Variants in ALMS1 observed in about 807,000 individuals in gnomAD.
ALMS1 encodes ALMS1 centrosome and basal body associated protein, also known as centrosome-associated protein ALMS1.
Under a neutral mutation model 352.2 loss-of-function variants are expected in ALMS1, and 271 were observed. The observed-to-expected ratio is 0.77, with a 90% CI of 0.70 to 0.85. The LOEUF (loss-of-function observed/expected upper bound fraction) is 0.85, where lower values mean the gene tolerates loss of function less well. Among genes scored for constraint, ALMS1 ranks in the 40% least tolerant of loss-of-function variants. ALMS1 has a pLI of 0.00. For synonymous variants in ALMS1, 1,865 were observed against 1,761.2 expected (o/e 1.06, Z -1.48); for missense variants, 5,445 against 4,870.7 (o/e 1.12, Z -3.51).
intron 11 of ALMS1, among the ~76,000 whole-genome samples, chr2:73,529,595 G>C (rs985613740): frequency 6.6e-6 from 1 of 152,144 alleles, no homozygotes; most frequent in African/African-American, 2.4e-5. Context: ...TGGGTGTTAT[G>C]ATCTGAGTTT....
intron 10 of ALMS1, among the ~76,000 whole-genome samples, chr2:73,508,045 A>G (rs1572982596): frequency 6.6e-6 from 1 of 152,228 alleles, no homozygotes; most frequent in Non-Finnish European, 1.5e-5. Flanking sequence ...GCCAGTAGTC[A>G]TTCAGGAGCA....
rs1671853206 is a variant in ALMS1 at position 73,448,508 on chromosome 2, A to G, written c.1981A>G (p.Ile661Val). Residue 661 changes from isoleucine (I) to valine (V), a missense_variant, in exon 8 of 23, where the codon ATA becomes GTA. Coordinates refer to ENST00000613296, the MANE Select transcript of ALMS1 (RefSeq NM_001378454.1). ...TGGCCCAGTGGAGCAGAAGACGGGA[A>G]TACCTACAGTATCCTCTACATCCCA... ...APGPVEQKTG[I>V]PTVSSTSHSH... The G allele has an allele frequency of 6.2e-7, 1 of 1,613,882 alleles. No individual in the cohort carries two copies. The highest frequency in any genetic ancestry group is 8.5e-7 in the Non-Finnish European group (1 of 1,179,888).
At chr2:73,520,426 A>T (rs1404677403) in intron 11 of ALMS1, among the ~76,000 whole-genome samples, 4 of 152,234 alleles carry the variant, frequency 2.6e-5, no homozygotes, top group African/African-American at 9.6e-5. Context: ...ATACTATAAC[A>T]AATAGATGCA....
chr2:73,396,739 G>A (rs1243258518), intron 1 of ALMS1, among the ~76,000 whole-genome samples: 4 of 151,122 alleles, frequency 2.6e-5, no homozygotes, highest in Non-Finnish European at 5.9e-5. Context: ...CCGCCTCCCA[G>A]GTTCATGCCA....
chr2:73,386,939 C>T (rs1189384355), intron 1 of ALMS1, among the ~76,000 whole-genome samples: 1 of 152,224 alleles, frequency 6.6e-6, no homozygotes, highest in African/African-American at 2.4e-5. Flanking sequence ...ACAGTAGCCA[C>T]TGGCCACGTG....
chr2:73,419,703 G>C (rs1671249169), intron 3 of ALMS1, among the ~76,000 whole-genome samples: 1 of 152,036 alleles, frequency 6.6e-6, no homozygotes. Context: ...TTACCTTTTT[G>C]ATTTTTAGAA....
At chr2:73,535,392 ATTTG>A (rs1005409703) in intron 12 of ALMS1, among the ~76,000 whole-genome samples, 1 of 152,202 alleles carries the variant, frequency 6.6e-6, no homozygotes, top group Non-Finnish European at 1.5e-5. Context: ...TGAAAAAAAA[ATTTG>A]TTCATAAATA....
Position 73,451,748 on chromosome 2 carries a change from G to A in ALMS1, c.5221G>A (p.Val1741Ile). Reference sequence around the variant, plus strand: ...TCAAGAAGCTCTGAAAGTTTCAGCTGTTCCTCAACCAGCTGACCAGAAGAC... The same window carrying A: ...TCAAGAAGCTCTGAAAGTTTCAGCTATTCCTCAACCAGCTGACCAGAAGAC... ...LTQEALKVSA[V>I]PQPADQKTGL... The change falls in exon 8 of 23, where the codon GTT (valine) becomes ATT (isoleucine). Residue 1741 changes from valine to isoleucine, a missense_variant. By Grantham distance (29) the Val-to-Ile change is conservative. Coordinates refer to ENST00000613296, the MANE Select transcript of ALMS1 (RefSeq NM_001378454.1). 6.2e-7 allele frequency: 1 copy of A among 1,614,104 alleles called. No homozygotes were observed. The highest frequency in any genetic ancestry group is 1.3e-5 in the African/African-American group (1 of 75,042).
In ALMS1 at chr2:73,451,637, A is replaced by G. The variant is rs1198972493; in HGVS notation, c.5110A>G (p.Thr1704Ala). The G allele has an allele frequency of 6.2e-7, 1 of 1,613,918 alleles. No homozygotes were observed. Among genetic ancestry groups the G allele is most frequent in the Non-Finnish European group, 8.5e-7 (1 of 1,179,994 alleles). The part of the protein sequence containing the change: ...VPGPDAQKTE[T>A]PSVSSSLYSY... ...TGGACCAGATGCCCAGAAGACTGAG[A>G]CACCATCAGTATCCTCTAGTTTATA... The change falls in exon 8 of 23, where the codon ACA (threonine) becomes GCA (alanine). Residue 1704 changes from threonine to alanine, a missense_variant. Transcript: ENST00000613296.
At chr2:73,419,484 T>C (rs1051342120) in intron 3 of ALMS1, among the ~76,000 whole-genome samples, 166 bp downstream of exon 3, 2 of 152,210 alleles carry the variant, frequency 1.3e-5, no homozygotes, top group South Asian at 2.1e-4. Context: ...TTTTACTGGC[T>C]AGCTGATCTA....
intron 16 of ALMS1, among the ~76,000 whole-genome samples, chr2:73,597,256 A>AT (rs1195769974): frequency 6.6e-6 from 1 of 152,056 alleles, no homozygotes; most frequent in Non-Finnish European, 1.5e-5. Flanking sequence ...TATACAATTG[A>AT]TTTTTTTATC....
intron 6 of ALMS1, 152 bp from the exon 7 acceptor site, chr2:73,432,046 G>A: frequency 3.2e-6 from 2 of 624,276 alleles, no homozygotes; most frequent in East Asian, 6.2e-5. Flanking sequence ...TAACTTCTTA[G>A]TGTTCCTCTT....
intron 20 of ALMS1, among the ~76,000 whole-genome samples, chr2:73,602,690 A>C (rs2104201369): frequency 6.6e-6 from 1 of 152,304 alleles, no homozygotes; most frequent in African/African-American, 2.4e-5. Flanking sequence ...CCTACCTCTT[A>C]GGATGGTAAT....
chr2:73,506,498 T>C (rs1362919308), intron 10 of ALMS1, among the ~76,000 whole-genome samples: 2 of 152,210 alleles, frequency 1.3e-5, no homozygotes, highest in African/African-American at 4.8e-5. Flanking sequence ...GAAGACATCC[T>C]TCACATCCAT....
chr2:73,496,017 C>T (rs1397487496), intron 10 of ALMS1, among the ~76,000 whole-genome samples: 1 of 152,202 alleles, frequency 6.6e-6, no homozygotes, highest in African/African-American at 2.4e-5. Flanking sequence ...CTTAAGTCAG[C>T]ATCTCCCTTC....
intron 4 of ALMS1, among the ~76,000 whole-genome samples, chr2:73,423,454 C>T (rs190701171): frequency 6.7e-4 from 102 of 152,256 alleles, no homozygotes; most frequent in South Asian, 4.2e-3. Flanking sequence ...TATGAACAGA[C>T]ATATCCAAAT....
At chr2:73,486,653 C>G (rs1395547289) in intron 9 of ALMS1, among the ~76,000 whole-genome samples, 4 of 152,222 alleles carry the variant, frequency 2.6e-5, no homozygotes, top group South Asian at 2.1e-4. Context: ...CCCTAGATCT[C>G]TAGCTAATCT....
intron 7 of ALMS1, among the ~76,000 whole-genome samples, chr2:73,437,036 A>G (rs1304544557): frequency 6.6e-6 from 1 of 151,716 alleles, no homozygotes; most frequent in Non-Finnish European, 1.5e-5. Context: ...GTAACGTTTG[A>G]TATTTTTGTT....
At chr2:73,462,350 G>C (rs374059849) in intron 9 of ALMS1, among the ~76,000 whole-genome samples, 3,319 of 151,734 alleles carry the variant, frequency 0.022, 101 homozygotes, top group African/African-American at 0.067. Context: ...CATATCCAGC[G>C]AAACTAAGCT....
Sources: allele counts gnomAD v4.1 joint callset (sites outside exome capture counted in the v4.1 genomes callset), GRCh38; gene constraint gnomAD v4.1.1; transcripts MANE v1.5; gene names NCBI Gene and HGNC (gene_info 2026-07-23, HGNC 2026-07-21).